CHM: variants seen among roughly 807,000 people sequenced by gnomAD.
CHM encodes rab proteins geranylgeranyltransferase component A 1.
A neutral mutation model predicts 49.0 loss-of-function variants in CHM; 10 were observed. The observed-to-expected ratio is 0.20, with a 90% CI of 0.13 to 0.35. CHM has a LOEUF of 0.35. Among genes scored for constraint, CHM ranks in the 10% least tolerant of loss-of-function variants. CHM has a pLI of 1.00. For missense variants in CHM, 455 were observed against 478.4 expected (o/e 0.95, Z 0.46); for synonymous variants, 184 against 167.5 (o/e 1.10, Z -0.76).
intron 1 of CHM, among the ~76,000 whole-genome samples, chrX:86,029,848 C>T (rs73240401): frequency 0.02 from 2,253 of 111,430 alleles, 25 homozygotes; most frequent in Admixed American, 0.048. Flanking sequence ...TTTGTTTCCT[C>T]ATCTATCAAT....
At chrX:85,968,605 T>G (rs757685366) in intron 4 of CHM, among the ~76,000 whole-genome samples, 4 of 112,044 alleles carry the variant, frequency 3.6e-5, no homozygotes, top group Non-Finnish European at 7.5e-5. Context: ...AAGATAATGA[T>G]GAGTCTGCTG....
intron 1 of CHM, among the ~76,000 whole-genome samples, chrX:86,036,182 T>A (rs745615252): frequency 1.2e-3 from 129 of 111,133 alleles, no homozygotes; most frequent in African/African-American, 4.2e-3. Context: ...CCTGAGAACA[T>A]GTGCCCAAGG....
Position 85,894,169 on chromosome X carries a change from A to C in CHM, c.1510+19T>G. On this transcript the variant is annotated intron_variant, in intron 12 of 14. Coordinates refer to ENST00000357749, the MANE Select transcript of CHM (RefSeq NM_000390.4). ...CCTAAACAAACACAAAATACAAATA[A>C]CCACTCTACTATGCTTACAGGTGCC... 1.7e-6 allele frequency: 2 copies of C among 1,156,145 alleles called. No individual in the cohort carries two copies. The highest frequency in any genetic ancestry group is 2.4e-6 in the Non-Finnish European group (2 of 845,287).
At chrX:85,920,375 C>T (rs999430055) in intron 8 of CHM, among the ~76,000 whole-genome samples, 10 of 111,641 alleles carry the variant, frequency 9.0e-5, no homozygotes, top group South Asian at 3.7e-4. Flanking sequence ...GGATTACAGG[C>T]GTGAGCCACC....
intron 9 of CHM, among the ~76,000 whole-genome samples, chrX:85,908,283 G>A (rs760419171): frequency 9.0e-6 from 1 of 111,508 alleles, no homozygotes; most frequent in African/African-American, 3.3e-5. Flanking sequence ...CTCACTTTAT[G>A]TTCAAGTCCT....
At chrX:85,926,278 T>A (rs1412834017) in intron 8 of CHM, among the ~76,000 whole-genome samples, 1 of 111,663 alleles carries the variant, frequency 9.0e-6, no homozygotes, top group Non-Finnish European at 1.9e-5. Context: ...CCCAACCCCA[T>A]GGTGGGAGAA....
At chrX:86,018,383 T>A (rs1933397374) in intron 2 of CHM, among the ~76,000 whole-genome samples, 1 of 112,243 alleles carries the variant, frequency 8.9e-6, no homozygotes, top group Non-Finnish European at 1.9e-5. Flanking sequence ...GGTGACAACA[T>A]CAAATTCTGG....
chrX:85,913,762 G>A (rs1927276184), intron 8 of CHM, among the ~76,000 whole-genome samples: 1 of 110,856 alleles, frequency 9.0e-6, no homozygotes, highest in South Asian at 3.8e-4. Flanking sequence ...AAACAGTGGG[G>A]AAAGAATGGA....
At chrX:86,004,154 G>C (rs1247773678) in intron 2 of CHM, among the ~76,000 whole-genome samples, 1 of 111,547 alleles carries the variant, frequency 9.0e-6, no homozygotes, top group African/African-American at 3.3e-5. Context: ...TTCATATCCA[G>C]CCAAAGTAAC....
At chrX:85,985,710 G>A (rs181832178) in intron 2 of CHM, among the ~76,000 whole-genome samples, 2 of 112,684 alleles carry the variant, frequency 1.8e-5, no homozygotes, top group East Asian at 5.6e-4. Context: ...CCAGAGGGAG[G>A]GGCAGGCCAT....
At chrX:86,008,057 C>A (rs1312836396) in intron 2 of CHM, among the ~76,000 whole-genome samples, 1 of 111,883 alleles carries the variant, frequency 8.9e-6, no homozygotes, top group Non-Finnish European at 1.9e-5. Context: ...CACATATACA[C>A]CATGGAATAC....
chrX:85,915,065 A>C (rs891856229), intron 8 of CHM, among the ~76,000 whole-genome samples: 20 of 110,956 alleles, frequency 1.8e-4, no homozygotes, highest in Admixed American at 4.8e-4. Context: ...ATAAAAAAAA[A>C]CCCGGCAACT....
intron 8 of CHM, among the ~76,000 whole-genome samples, chrX:85,931,124 G>C (rs1277958189): frequency 9.0e-6 from 1 of 110,735 alleles, no homozygotes; most frequent in Non-Finnish European, 1.9e-5. Context: ...AATGAATCAA[G>C]GTAATTCTGA....
intron 9 of CHM, among the ~76,000 whole-genome samples, 162 bp from the exon 10 acceptor site, chrX:85,901,350 A>G (rs1926277607): frequency 8.9e-6 from 1 of 111,858 alleles, no homozygotes; most frequent in Non-Finnish European, 1.9e-5. Flanking sequence ...CTGACAGTAA[A>G]TGACAGAATA....
chrX:85,966,559 T>C (rs2147681247), intron 4 of CHM, among the ~76,000 whole-genome samples: 1 of 111,264 alleles, frequency 9.0e-6, no homozygotes, highest in African/African-American at 3.3e-5. Context: ...TACAGAATTG[T>C]TCACACTCTT....
intron 4 of CHM, among the ~76,000 whole-genome samples, chrX:85,977,569 G>A (rs1243258736): frequency 8.9e-6 from 1 of 112,430 alleles, no homozygotes; most frequent in Non-Finnish European, 1.9e-5. Context: ...CAGTGTGACT[G>A]TCACTATATT....
At chrX:85,928,716 A>G (rs1928239895) in intron 8 of CHM, among the ~76,000 whole-genome samples, 2 of 111,753 alleles carry the variant, frequency 1.8e-5, no homozygotes, top group African/African-American at 6.5e-5. Flanking sequence ...TGAAAAATGA[A>G]CAGTAGGTCT....
In CHM at chrX:85,976,752, T is replaced by A. The variant is rs746834415; in HGVS notation, c.314+2015A>T. Reference sequence around the variant, plus strand: ...AAATAGAGACATCCCTTGCTCAGTATCACATAGCAAGTCAAGGACTATAAC... The same window carrying A: ...AAATAGAGACATCCCTTGCTCAGTAACACATAGCAAGTCAAGGACTATAAC... On this transcript the variant is annotated intron_variant, in intron 4 of 14. Coordinates refer to ENST00000357749, the MANE Select transcript of CHM (RefSeq NM_000390.4). Among the ~76,000 whole-genome samples the A allele has an allele frequency of 1.3e-4, 14 of 110,813 alleles. No homozygotes were observed. In the South Asian group the frequency reaches 5.5e-3, roughly 43 times the overall value.
At chrX:85,882,755 C>T (rs750787839) in intron 12 of CHM, among the ~76,000 whole-genome samples, 7 of 111,709 alleles carry the variant, frequency 6.3e-5, no homozygotes, top group Non-Finnish European at 1.3e-4. Flanking sequence ...ATCGCTCTTA[C>T]GAGTTGTTTT....
Sources: allele counts gnomAD v4.1 joint callset (sites outside exome capture counted in the v4.1 genomes callset), GRCh38; gene constraint gnomAD v4.1.1; transcripts MANE v1.5; gene names NCBI Gene and HGNC (gene_info 2026-07-23, HGNC 2026-07-21).